ADIPOR2: variants seen among roughly 807,000 people sequenced by gnomAD.
ADIPOR2 encodes adiponectin receptor 2, also known as adiponectin receptor protein 2.
A neutral mutation model predicts 40.9 loss-of-function variants in ADIPOR2; 18 were observed. That is an observed-to-expected ratio of 0.44 (90% CI 0.30 to 0.65). ADIPOR2 has a LOEUF of 0.65. Among genes scored for constraint, ADIPOR2 ranks in the 30% least tolerant of loss-of-function variants. The probability of loss-of-function intolerance (pLI) is 0.09; values close to 1 mark genes in which losing one functional copy is unlikely to be tolerated. For synonymous variants in ADIPOR2, 165 were observed against 166.4 expected (o/e 0.99, Z 0.06); for missense variants, 283 against 479.2 (o/e 0.59, Z 3.82).
chr12:1,782,706 G>A (rs538784956), intron 6 of ADIPOR2, among the ~76,000 whole-genome samples: 1 of 152,178 alleles, frequency 6.6e-6, no homozygotes, highest in East Asian at 1.9e-4. Context: ...ATTGATCTTA[G>A]AACTTAGGTC....
chr12:1,772,780 TATTG>T, intron 2 of ADIPOR2, 58 bp from the exon 3 acceptor site: 1 of 1,542,208 alleles, frequency 6.5e-7, no homozygotes, highest in East Asian at 2.3e-5. Context: ...AAGGGAAATG[TATTG>T]ATTGTGTCAT....
chr12:1,696,680 A>T (rs753086211), intron 1 of ADIPOR2: 1 of 152,282 alleles, frequency 6.6e-6, no homozygotes, highest in Non-Finnish European at 1.5e-5. Context: ...AACAGGCAGG[A>T]GCCATTGTCC....
At chr12:1,723,667 AC>A (rs895078645) in intron 1 of ADIPOR2, among the ~76,000 whole-genome samples, 4 of 151,744 alleles carry the variant, frequency 2.6e-5, no homozygotes, top group Admixed American at 1.3e-4. Context: ...AAACAAAACA[AC>A]AACAACAAAA....
At chr12:1,704,807 A>G (rs1345266336) in intron 1 of ADIPOR2, among the ~76,000 whole-genome samples, 2 of 152,210 alleles carry the variant, frequency 1.3e-5, no homozygotes, top group African/African-American at 4.8e-5. Flanking sequence ...TGAGGCCTTC[A>G]GATGTATATT....
intron 1 of ADIPOR2, among the ~76,000 whole-genome samples, chr12:1,713,049 G>T (rs1565633822): frequency 6.6e-6 from 1 of 152,124 alleles, no homozygotes. Context: ...GACTTGAGAA[G>T]TGGCCTAGAT....
At chr12:1,718,828 T>A (rs1253050791) in intron 1 of ADIPOR2, among the ~76,000 whole-genome samples, 1 of 152,108 alleles carries the variant, frequency 6.6e-6, no homozygotes, top group African/African-American at 2.4e-5. Context: ...AGTCAGCTAG[T>A]GGGGTAGGGT....
At chr12:1,729,617 GTTTTTTTTTTTTT>G (rs56921758) in intron 1 of ADIPOR2, among the ~76,000 whole-genome samples, 3 of 88,986 alleles carry the variant, frequency 3.4e-5, no homozygotes, top group African/African-American at 4.9e-5. Flanking sequence ...TCAGCCAGTT[GTTTTTTTTTTTTT>G]TTTTTTTTTT....
At chr12:1,766,924 CT>C in intron 2 of ADIPOR2, among the ~76,000 whole-genome samples, 1 of 152,302 alleles carries the variant, frequency 6.6e-6, no homozygotes, top group Non-Finnish European at 1.5e-5. Context: ...TAAATAGACT[CT>C]TGTCAATCAC....
In ADIPOR2 at chr12:1,742,627, G is replaced by A. The variant is rs572784003; in HGVS notation, c.-86-11631G>A. Among the ~76,000 whole-genome samples, 15 of 152,262 alleles carry A rather than the reference G, an allele frequency of 9.9e-5. No individual in the cohort carries two copies. The South Asian group carries it at 1.4e-3, about 15-fold the overall frequency. ...AGTTCCTGATAGAGAATGGCATAGC[G>A]TTTGCATATAACCTAAGCACATCTT... On this transcript the variant is annotated intron_variant, in intron 1 of 7. Transcript: ENST00000357103.
At chr12:1,734,711 T>C (rs1300147162) in intron 1 of ADIPOR2, among the ~76,000 whole-genome samples, 7 of 152,218 alleles carry the variant, frequency 4.6e-5, no homozygotes. Context: ...ACCTAGGTTT[T>C]CTTCTAGGGT....
chr12:1,702,352 A>T (rs77285594), intron 1 of ADIPOR2, among the ~76,000 whole-genome samples: 1,822 of 152,218 alleles, frequency 0.012, 39 homozygotes, highest in African/African-American at 0.04. Flanking sequence ...TTTGGAGGTT[A>T]TGGGAATTTT....
intron 1 of ADIPOR2, among the ~76,000 whole-genome samples, chr12:1,731,277 T>C (rs1045391693): frequency 1.6e-4 from 25 of 152,132 alleles, no homozygotes; most frequent in African/African-American, 6.0e-4. Context: ...TCTCGAACTT[T>C]CTCCCGCTTC....
At chr12:1,713,787 C>T (rs1417638090) in intron 1 of ADIPOR2, among the ~76,000 whole-genome samples, 3 of 151,956 alleles carry the variant, frequency 2.0e-5, no homozygotes, top group African/African-American at 2.4e-5. Context: ...CAGGATTCCT[C>T]GGATGGTAAT....
At chr12:1,771,479 A>C (rs905732754) in intron 2 of ADIPOR2, among the ~76,000 whole-genome samples, 1 of 152,210 alleles carries the variant, frequency 6.6e-6, no homozygotes, top group African/African-American at 2.4e-5. Flanking sequence ...GAAGGGTTTT[A>C]AATAGGAACT....
intron 1 of ADIPOR2, among the ~76,000 whole-genome samples, chr12:1,749,384 C>A (rs2094763959): frequency 6.6e-6 from 1 of 152,162 alleles, no homozygotes; most frequent in African/African-American, 2.4e-5. Flanking sequence ...GGAAAGCAGG[C>A]AGGAGAAAGA....
At chr12:1,772,065 C>T (rs889929173) in intron 2 of ADIPOR2, among the ~76,000 whole-genome samples, 5 of 152,344 alleles carry the variant, frequency 3.3e-5, no homozygotes, top group Non-Finnish European at 7.3e-5. Context: ...CTTCTTCTCA[C>T]AATATCATTT....
chr12:1,757,787 G>A (rs536400665), intron 2 of ADIPOR2: 11 of 947,790 alleles, frequency 1.2e-5, no homozygotes, highest in African/African-American at 4.8e-5. Flanking sequence ...ATATGAGTTC[G>A]GACCTTGCCA....
intron 1 of ADIPOR2, among the ~76,000 whole-genome samples, chr12:1,721,679 A>C (rs2094698237): frequency 6.6e-6 from 1 of 152,210 alleles, no homozygotes; most frequent in South Asian, 2.1e-4. Context: ...AAGAGACTAA[A>C]AGGTGATGTA....
At chr12:1,751,448 T>C (rs1045937721) in intron 1 of ADIPOR2, among the ~76,000 whole-genome samples, 5 of 152,184 alleles carry the variant, frequency 3.3e-5, no homozygotes, top group African/African-American at 1.2e-4. Flanking sequence ...TTTGTTGTCA[T>C]TTGATTTCTT....
Sources: allele counts gnomAD v4.1 joint callset (sites outside exome capture counted in the v4.1 genomes callset), GRCh38; gene constraint gnomAD v4.1.1; transcripts MANE v1.5; gene names NCBI Gene and HGNC (gene_info 2026-07-23, HGNC 2026-07-21).